The following SVBP variants were observed in gnomAD, a reference collection of about 807,000 sequenced individuals.
The protein encoded by SVBP is small vasohibin-binding protein.
Under a neutral mutation model 9.2 loss-of-function variants are expected in SVBP, and 9 were observed. The ratio of observed to expected loss-of-function variants is 0.98; its 90% CI spans 0.59 to 1.71. The LOEUF is 1.71. SVBP is among the 40% of genes most tolerant of loss of function. The probability of loss-of-function intolerance (pLI) is 0.00; values close to 1 mark genes in which losing one functional copy is unlikely to be tolerated. For missense variants in SVBP, 63 were observed against 73.2 expected (o/e 0.86, Z 0.51); for synonymous variants, 27 against 23.9 (o/e 1.13, Z -0.37).
Position 42,817,272 on chromosome 1 carries a change from C to G in SVBP, c.-119G>C, listed in dbSNP as rs1299639162. The G allele has an allele frequency of 1.4e-4, 168 of 1,237,840 alleles. No homozygotes were observed. Among genetic ancestry groups the G allele is most frequent in the Non-Finnish European group, 1.6e-4 (156 of 961,610 alleles). The allele number at this position is 1,237,840 out of a possible 1,614,324, so 76.7% of individuals were successfully genotyped here. On this transcript the variant is annotated 5_prime_UTR_variant, in exon 1 of 3. Transcript: ENST00000372521. ...CGGGAGGGTAATCCTCGCCTTCCCC[C>G]GACCACTGGACCCAGCGCTGCCTGC... is the stretch of plus-strand genomic sequence containing the variant.
At chr1:42,808,180 C>CATAT (rs59926355) in intron 2 of SVBP, among the ~76,000 whole-genome samples, 2 of 71,034 alleles carry the variant, frequency 2.8e-5, no homozygotes, top group African/African-American at 5.7e-5. Flanking sequence ...TATATATATA[C>CATAT]ATACTATGTA....
intron 2 of SVBP, among the ~76,000 whole-genome samples, chr1:42,815,384 T>C (rs1052879095): frequency 2.8e-5 from 4 of 142,900 alleles, no homozygotes; most frequent in African/African-American, 1.0e-4. Flanking sequence ...AAATAAAAAA[T>C]AAAAAGAGAC....
chr1:42,811,341 G>T (rs775453513), intron 2 of SVBP, among the ~76,000 whole-genome samples: 1 of 152,174 alleles, frequency 6.6e-6, no homozygotes, highest in East Asian at 1.9e-4. Flanking sequence ...TTTACATATC[G>T]GATTAACCAA....
chr1:42,817,057 A>AC, intron 1 of SVBP, 133 bp downstream of exon 1: 1 of 55,438 alleles, frequency 1.8e-5, no homozygotes, highest in Non-Finnish European at 3.8e-5. Flanking sequence ...CCCGCCCCCC[A>AC]CCGCCCGGCC....
chr1:42,808,426 T>C (rs1255277426), intron 2 of SVBP, among the ~76,000 whole-genome samples: 1 of 144,776 alleles, frequency 6.9e-6, no homozygotes, highest in Admixed American at 7.0e-5. Flanking sequence ...CTGTATACAG[T>C]ATATATATAA....
intron 2 of SVBP, among the ~76,000 whole-genome samples, chr1:42,809,305 G>A (rs1414701555): frequency 6.6e-6 from 1 of 151,864 alleles, no homozygotes; most frequent in African/African-American, 2.4e-5. Flanking sequence ...CAAGGAAGGG[G>A]GAAAAAATGA....
chr1:42,814,974 T>A (rs2124253203), intron 2 of SVBP, among the ~76,000 whole-genome samples: 1 of 152,162 alleles, frequency 6.6e-6, no homozygotes, highest in East Asian at 1.9e-4. Flanking sequence ...AACCCAAGTG[T>A]CCATCAATGA....
Position 42,807,395 on chromosome 1 carries a change from C to G in SVBP, c.*19G>C. ...CCTCTCAAAGCTCTCAGGATCCCAT[C>G]TGGTTTGAACCTGGGGCCTCATTCT... On this transcript the variant is annotated 3_prime_UTR_variant, in exon 3 of 3. Transcript: ENST00000372521. The G allele has an allele frequency of 1.3e-6, 2 of 1,599,978 alleles. No homozygotes were observed. Among genetic ancestry groups the G allele is most frequent in the East Asian group, 4.5e-5 (2 of 44,784 alleles).
rs199812799 is a variant in SVBP, at chr1:42,816,454, G to C, written c.91C>G (p.Leu31Val). ...KAKQKSAQQE[L>V]KQRQRAEIYA... ...ACCTCTGCTCTTTGTCTCTGCTTCAGCTCCTGCTGGGCTGATTTCTGTTTG... is the reference window on the plus strand; with the variant it reads ...ACCTCTGCTCTTTGTCTCTGCTTCACCTCCTGCTGGGCTGATTTCTGTTTG... Residue 31 changes from leucine (L) to valine (V), a missense_variant, in exon 2 of 3, where the codon CTG becomes GTG. Transcript: ENST00000372521. 6.9e-5 allele frequency: 111 copies of C among 1,613,594 alleles called. No homozygotes were observed. The highest frequency in any genetic ancestry group is 8.8e-5 in the Non-Finnish European group (104 of 1,179,694).
rs1654264885 is a variant in SVBP, at chr1:42,817,324, C to T, written c.-171G>A. The T allele has an allele frequency of 9.1e-7, 1 of 1,101,808 alleles. No homozygotes were observed. Among genetic ancestry groups the T allele is most frequent in the Non-Finnish European group, 1.2e-6 (1 of 857,976 alleles). The allele number at this position is 1,101,808 out of a possible 1,614,324, so 68.3% of individuals were successfully genotyped here. ...CACCGCCCCTCGTCCTGGGCGGGGC[C>T]GCGCGCCGGGGGGAGGGGCGCAGGG... is the stretch of plus-strand genomic sequence containing the variant. On this transcript the variant is annotated 5_prime_UTR_variant, in exon 1 of 3. Transcript: ENST00000372521.
chr1:42,807,547 A>G, intron 2 of SVBP, 47 bp from the exon 3 acceptor site: 2 of 1,422,704 alleles, frequency 1.4e-6, no homozygotes, highest in Non-Finnish European at 2.0e-6. Flanking sequence ...AAGCAGCTGC[A>G]CAAAGCATCT....
At position 42,810,121 on chromosome 1, in the gene SVBP, TACATAC is replaced by T. The variant is rs757425024; in HGVS notation, c.115-2627_115-2622del. Among the ~76,000 whole-genome samples the T allele has an allele frequency of 4.4e-3, 604 of 137,838 alleles. 2 individuals carry two copies. The highest frequency in any genetic ancestry group is 0.012 in the African/African-American group (412 of 33,008). The allele number at this position is 137,838 out of a possible 152,430, so 90.4% of individuals were successfully genotyped here. Reference sequence around the variant, plus strand: ...ACACACACACACACACACACATACATACATACACACACACACACACACACACACACA... The same window carrying T: ...ACACACACACACACACACACATACATACACACACACACACACACACACACA... On this transcript the variant is annotated intron_variant, in intron 2 of 2. Coordinates refer to ENST00000372521, the MANE Select transcript of SVBP (RefSeq NM_199342.4).
At chr1:42,811,978 A>G (rs551590992) in intron 2 of SVBP, among the ~76,000 whole-genome samples, 1 of 152,146 alleles carries the variant, frequency 6.6e-6, no homozygotes, top group East Asian at 1.9e-4. Context: ...AATTAAGAAT[A>G]GGGAAAAACC....
intron 2 of SVBP, 67 bp downstream of exon 2, chr1:42,816,364 C>T (rs1382785137): frequency 1.7e-6 from 2 of 1,152,754 alleles, no homozygotes; most frequent in African/African-American, 1.5e-5. Context: ...CTCCTTTCTG[C>T]TGTTTCTCTA....
At position 42,817,204 on chromosome 1, in the gene SVBP, C is replaced by T. The variant is rs1276708801; in HGVS notation, c.-51G>A. ...GGAGTCTGTACCTTTCCCGACCGGG[C>T]CACTGGAAGTTGGAGCCTCCGCCGA... On this transcript the variant is annotated 5_prime_UTR_variant, in exon 1 of 3. Coordinates refer to ENST00000372521, the MANE Select transcript of SVBP (RefSeq NM_199342.4). 29 of 1,255,738 alleles carry T rather than the reference C, an allele frequency of 2.3e-5. No individual in the cohort carries two copies. The highest frequency in any genetic ancestry group is 2.8e-5 in the Non-Finnish European group (27 of 973,894). The allele number at this position is 1,255,738 out of a possible 1,614,324, so 77.8% of individuals were successfully genotyped here.
At position 42,817,318 on chromosome 1, in the gene SVBP, C is replaced by T; in HGVS notation, c.-165G>A. On this transcript the variant is annotated 5_prime_UTR_variant, in exon 1 of 3. Coordinates refer to ENST00000372521, the MANE Select transcript of SVBP (RefSeq NM_199342.4). The stretch of plus-strand genomic sequence containing the variant: ...CCTGCCCACCGCCCCTCGTCCTGGG[C>T]GGGGCCGCGCGCCGGGGGGAGGGGC... The T allele has an allele frequency of 8.9e-7, 1 of 1,129,146 alleles. No homozygotes were observed. The highest frequency in any genetic ancestry group is 1.1e-6 in the Non-Finnish European group (1 of 878,904). 69.9% of individuals were successfully genotyped at this position (1,129,146 alleles called of 1,614,324 possible).
At chr1:42,814,312 A>G (rs1654150382) in intron 2 of SVBP, among the ~76,000 whole-genome samples, 4 of 151,630 alleles carry the variant, frequency 2.6e-5, no homozygotes, top group Non-Finnish European at 5.9e-5. Context: ...TCTTGATCTC[A>G]TGATCCGCCT....
At chr1:42,809,946 T>C (rs1184298942) in intron 2 of SVBP, among the ~76,000 whole-genome samples, 1 of 152,052 alleles carries the variant, frequency 6.6e-6, no homozygotes, top group Non-Finnish European at 1.5e-5. Flanking sequence ...ATGATTAGCA[T>C]AAAATACAGC....
intron 2 of SVBP, among the ~76,000 whole-genome samples, chr1:42,811,690 G>T (rs1654087936): frequency 6.6e-6 from 1 of 152,186 alleles, no homozygotes; most frequent in Non-Finnish European, 1.5e-5. Context: ...TTCTGAGGTA[G>T]ATGTTATCCT....
Sources: allele counts gnomAD v4.1 joint callset (sites outside exome capture counted in the v4.1 genomes callset), GRCh38; gene constraint gnomAD v4.1.1; transcripts MANE v1.5; gene names NCBI Gene and HGNC (gene_info 2026-07-23, HGNC 2026-07-21).